The following MYH6 variants were observed in gnomAD, a reference collection of about 807,000 sequenced individuals.
The protein encoded by MYH6 is myosin heavy chain 6, also known as myosin-6.
Under a neutral mutation model 223.2 loss-of-function variants are expected in MYH6, and 126 were observed. That is an observed-to-expected ratio of 0.56 (90% CI 0.49 to 0.65). MYH6 has a LOEUF of 0.65. Among genes scored for constraint, MYH6 ranks in the 30% least tolerant of loss-of-function variants. The pLI, the probability that MYH6 is intolerant of heterozygous loss-of-function variation, is 0.00. For missense variants in MYH6, 2,040 were observed against 2,536.4 expected (o/e 0.80, Z 4.20); for synonymous variants, 978 against 1,010.2 (o/e 0.97, Z 0.61).
chr14:23,407,117 T>G lies in MYH6; in HGVS notation c.107A>C (p.Glu36Ala). 1 of 1,614,214 alleles carries G rather than the reference T, an allele frequency of 6.2e-7. No individual in the cohort carries two copies. The highest frequency in any genetic ancestry group is 8.5e-7 in the Non-Finnish European group (1 of 1,180,046). Residue 36 changes from glutamate (E) to alanine (A), a missense_variant, in exon 3 of 39, where the codon GAG becomes GCG. This residue lies in a region of MYH6 where 184 missense variants were observed against 232.4 expected (regional missense o/e 0.79). Transcript: ENST00000405093. The surrounding 1 kb of genome is among the most constrained non-coding windows in gnomAD (Gnocchi z 5.6). ...AQTRPFDIRT[E>A]CFVPDDKEEF... ...TTCCTTGTCATCGGGCACGAAGCACTCAGTGCGAATGTCAAAGGGCCGGGT... is the reference window on the plus strand; with the variant it reads ...TTCCTTGTCATCGGGCACGAAGCACGCAGTGCGAATGTCAAAGGGCCGGGT...
chr14:23,383,141 C>T (rs1227991413), intron 37 of MYH6, 84 bp downstream of exon 37: 18 of 1,225,858 alleles, frequency 1.5e-5, no homozygotes, highest in Non-Finnish European at 2.2e-5. Flanking sequence ...AACTCTTTGT[C>T]CAGGCCCCTC....
intron 23 of MYH6, 122 bp from the exon 24 acceptor site, chr14:23,393,179 G>T: frequency 6.7e-7 from 1 of 1,495,602 alleles, no homozygotes; most frequent in Non-Finnish European, 9.2e-7. Flanking sequence ...GAGAAATCCT[G>T]CAAGCACAAA....
chr14:23,404,613 C>T, intron 7 of MYH6, 98 bp downstream of exon 7: 1 of 1,255,586 alleles, frequency 8.0e-7, no homozygotes. Flanking sequence ...CTCAGTGTGG[C>T]TGTCCCCACC....
rs1038940910 is a variant in MYH6 at position 23,390,211 on chromosome 14, G to A, written c.3578C>T (p.Ala1193Val). ...ATLQHEATAAALRKKHADSVA... is the reference protein window; with the variant it reads ...ATLQHEATAAVLRKKHADSVA... Reference sequence around the variant, plus strand: ...GCTGTCGGCGTGCTTCTTGCGCAGGGCCGCGGCAGTGGCCTCGTGCTGCAG... The same window carrying A: ...GCTGTCGGCGTGCTTCTTGCGCAGGACCGCGGCAGTGGCCTCGTGCTGCAG... Residue 1193 changes from alanine to valine, a missense_variant, in exon 26 of 39, where the codon GCC (alanine) becomes GTC (valine). Physicochemically the swap from Ala to Val is moderately conservative, Grantham distance 64. Around this residue, in one of 4 missense-constraint regions of MYH6, gnomAD observed 1,203 missense variants for 1,400.2 expected, o/e 0.86. Coordinates refer to ENST00000405093, the MANE Select transcript of MYH6 (RefSeq NM_002471.4). The A allele has an allele frequency of 1.2e-6, 2 of 1,600,072 alleles. No individual in the cohort carries two copies. The highest frequency in any genetic ancestry group is 1.7e-6 in the Non-Finnish European group (2 of 1,171,508).
At position 23,383,339 on chromosome 14, in the gene MYH6, G is replaced by GGGGGGGGGGGGGCCCCCCCCC; in HGVS notation, c.5566-20_5566-19insGGGGGGGGGCCCCCCCCCCCC. 9.2e-6 allele frequency: 1 copy of GGGGGGGGGGGGGCCCCCCCCC among 108,170 alleles called. No homozygotes were observed. The highest frequency in any genetic ancestry group is 9.5e-5 in the African/African-American group (1 of 10,532). The allele number at this position is 108,170 out of a possible 1,614,324, so 6.7% of individuals were successfully genotyped here. On this transcript the variant is annotated intron_variant, in intron 36 of 38. Coordinates refer to ENST00000405093, the MANE Select transcript of MYH6 (RefSeq NM_002471.4). Reference sequence around the variant, plus strand: ...CCTCTGTCTGGGGGTGGGAGGGTGGGAGAAGCTGGTTTGGAGGGGGAGCAA... The same window carrying GGGGGGGGGGGGGCCCCCCCCC: ...CCTCTGTCTGGGGGTGGGAGGGTGGGGGGGGGGGGGGGCCCCCCCCCAGAAGCTGGTTTGGAGGGGGAGCAA...
At position 23,387,778 on chromosome 14, in the gene MYH6, C is replaced by T. The variant is rs199936506; in HGVS notation, c.4505G>A (p.Arg1502Gln). ...ESLEHLETFK[R>Q]ENKNLQEEIS... The stretch of plus-strand genomic sequence containing the variant: ...CACACCCTGAAGGTTCTTGTTCTCC[C>T]GCTTGAAGGTCTCTAGGTGCTCCAG... Residue 1502 changes from arginine (R) to glutamine (Q), a missense_variant, in exon 31 of 39, where the codon CGG becomes CAG. Physicochemically the swap from Arg to Gln is conservative, Grantham distance 43. Coordinates refer to ENST00000405093, the MANE Select transcript of MYH6 (RefSeq NM_002471.4). 1.8e-4 allele frequency: 283 copies of T among 1,613,934 alleles called. No homozygotes were observed. Among genetic ancestry groups the T allele is most frequent in the Middle Eastern group, 4.9e-4 (3 of 6,084 alleles).
chr14:23,387,472 A>C (rs1342714104), intron 32 of MYH6, 57 bp downstream of exon 32: 5 of 1,607,176 alleles, frequency 3.1e-6, no homozygotes, highest in Admixed American at 1.7e-5. Context: ...CAGGTGAGGG[A>C]GAAGTGGGAG....
intron 13 of MYH6, 78 bp downstream of exon 13, chr14:23,400,631 G>A: frequency 6.2e-7 from 1 of 1,610,196 alleles, no homozygotes; most frequent in African/African-American, 1.3e-5. Context: ...CTGGTCCACA[G>A]CTGGCTCTCA....
In MYH6 at chr14:23,407,142, T is replaced by C; in HGVS notation, c.82A>G (p.Thr28Ala). 1 of 1,614,244 alleles carries C rather than the reference T, an allele frequency of 6.2e-7. No homozygotes were observed. Among genetic ancestry groups the C allele is most frequent in the Non-Finnish European group, 8.5e-7 (1 of 1,180,048 alleles). Residue 28 changes from threonine (T) to alanine (A), a missense_variant, in exon 3 of 39, where the codon ACC becomes GCC. Transcript: ENST00000405093. This position sits in a 1 kb window ranked among gnomAD's most constrained non-coding sequence, Gnocchi z 5.6. ...TCAGTGCGAATGTCAAAGGGCCGGGTCTGGGCCTCTAGACGCTCCTTCTCT... is the reference window on the plus strand; with the variant it reads ...TCAGTGCGAATGTCAAAGGGCCGGGCCTGGGCCTCTAGACGCTCCTTCTCT... ...KSEKERLEAQ[T>A]RPFDIRTECF...
At chr14:23,385,760 G>A (rs1481263578) in intron 34 of MYH6, among the ~76,000 whole-genome samples, 168 bp downstream of exon 34, 3 of 152,092 alleles carry the variant, frequency 2.0e-5, no homozygotes, top group African/African-American at 2.4e-5. Flanking sequence ...AGTAGAGACC[G>A]CTTTCTTAAT....
At chr14:23,399,532 G>GTC (rs1891532307) in intron 14 of MYH6, among the ~76,000 whole-genome samples, 1 of 152,116 alleles carries the variant, frequency 6.6e-6, no homozygotes, top group African/African-American at 2.4e-5. Flanking sequence ...GCTAAAGACT[G>GTC]TCTCTCCAGA....
intron 36 of MYH6, 112 bp from the exon 37 acceptor site, chr14:23,383,432 A>G (rs1455512581): frequency 1.2e-6 from 1 of 841,258 alleles, no homozygotes; most frequent in East Asian, 2.6e-5. Context: ...CCTCCCTGCA[A>G]TGATCCAGGT....
chr14:23,405,566 C>A lies in MYH6; in HGVS notation c.345+61G>T, dbSNP rs1051574057. 19 of 1,612,192 alleles carry A rather than the reference C, an allele frequency of 1.2e-5. No individual in the cohort carries two copies. The African/African-American group carries it at 2.4e-4, about 20-fold the overall frequency. On this transcript the variant is annotated intron_variant, in intron 4 of 38. Transcript: ENST00000405093. This position sits in a 1 kb window ranked among gnomAD's most constrained non-coding sequence, Gnocchi z 4.7. ...TCCCCCTCTTCTTGGGAGAGCCCCCCTGGCTTATTTAGGCCTCCACGCAGC... is the reference window on the plus strand; with the variant it reads ...TCCCCCTCTTCTTGGGAGAGCCCCCATGGCTTATTTAGGCCTCCACGCAGC...
At position 23,405,445 on chromosome 14, in the gene MYH6, GC is replaced by G. The variant is rs761159974; in HGVS notation, c.346-67del. 325 of 1,610,862 alleles carry G rather than the reference GC, an allele frequency of 2.0e-4. No individual in the cohort carries two copies. The highest frequency in any genetic ancestry group is 3.3e-4 in the Middle Eastern group (2 of 6,056). On this transcript the variant is annotated intron_variant, in intron 4 of 38. Transcript: ENST00000405093. This position sits in a 1 kb window ranked among gnomAD's most constrained non-coding sequence, Gnocchi z 4.7. ...GAGCCTGGGACAGGCAGTGGTGGCA[GC>G]CAGGCATGTCCCTGTTCACTCCAGC...
chr14:23,406,530 G>A (rs1327287377), intron 3 of MYH6, among the ~76,000 whole-genome samples: 6 of 152,290 alleles, frequency 3.9e-5, no homozygotes, highest in African/African-American at 1.4e-4. Context: ...TCTCTTGGCT[G>A]GTGTGAGCAA....
intron 1 of MYH6, 148 bp downstream of exon 1, chr14:23,408,105 G>A (rs1330162283): frequency 1.1e-5 from 4 of 368,686 alleles, no homozygotes; most frequent in African/African-American, 8.8e-5. Context: ...TGTGTCAGGG[G>A]GAACTTCCCT....
rs786205484 is a variant in MYH6, at chr14:23,400,916, G to A, written c.1203C>T (p.Cys401=). The part of the protein sequence containing the change: ...LNSADLLKGL[C]HPRVKVGNEY... ...CGTTGCCCACTTTCACCCGAGGGTG[G>A]CACAGCCCCTTGAGCAGGTCAGCTG... is the stretch of plus-strand genomic sequence containing the variant. The change falls in exon 13 of 39, where the codon TGC becomes TGT. Residue 401 remains cysteine (C), a synonymous_variant. Transcript: ENST00000405093. 2 of 1,614,096 alleles carry A rather than the reference G, an allele frequency of 1.2e-6. No homozygotes were observed. The highest frequency in any genetic ancestry group is 1.3e-5 in the African/African-American group (1 of 74,924).
chr14:23,397,958 C>CTTCTTCTTT lies in MYH6; in HGVS notation c.1892-346_1892-345insAAAGAAGAA, dbSNP rs1566512502. Among the ~76,000 whole-genome samples, 235 of 113,696 alleles carry CTTCTTCTTT rather than the reference C, an allele frequency of 2.1e-3. 3 individuals carry two copies. Among genetic ancestry groups the CTTCTTCTTT allele is most frequent in the African/African-American group, 3.4e-3 (94 of 27,430 alleles). 74.6% of individuals were successfully genotyped at this position (113,696 alleles called of 152,430 possible). A position where few individuals can be genotyped will look rare whatever the true frequency, so the allele number is the denominator to read the frequency against. The stretch of plus-strand genomic sequence containing the variant: ...TCTTCTTCTTCTTCTTCTTCTTCTT[C>CTTCTTCTTT]TTCTTCTTCTTCTTCTTCTTCTTCT... On this transcript the variant is annotated intron_variant, in intron 15 of 38. Transcript: ENST00000405093.
chr14:23,407,185 G>C lies in MYH6; in HGVS notation c.39C>G (p.Ala13=). The part of the protein sequence containing the change: ...DAQMADFGAA[A]QYLRKSEKER... Reference sequence around the variant, plus strand: ...CCTTCTCTGACTTGCGGAGGTACTGGGCCGCTGCCCCAAAGTCAGCCATCT... The same window carrying C: ...CCTTCTCTGACTTGCGGAGGTACTGCGCCGCTGCCCCAAAGTCAGCCATCT... Residue 13 remains alanine, a synonymous_variant, in exon 3 of 39, where the codon GCC becomes GCG. Transcript: ENST00000405093. The surrounding 1 kb of genome is among the most constrained non-coding windows in gnomAD (Gnocchi z 5.6). 6.2e-7 allele frequency: 1 copy of C among 1,614,218 alleles called. No individual in the cohort carries two copies. The highest frequency in any genetic ancestry group is 1.1e-5 in the South Asian group (1 of 91,082).
Sources: gnomAD v4.1 joint callset for allele counts (sites outside exome capture counted in the v4.1 genomes callset) on GRCh38, gnomAD v4.1.1 for gene constraint, gnomAD v4.1.1 regional missense constraint, Gnocchi (gnomAD v3.1) non-coding constraint, MANE v1.5 for transcripts, NCBI Gene and HGNC (gene_info 2026-07-23, HGNC 2026-07-21) for gene names.